Variants in RUNX2 observed in about 807,000 individuals in gnomAD.
RUNX2 encodes RUNX family transcription factor 2.
Under a neutral mutation model 51.7 loss-of-function variants are expected in RUNX2, and 10 were observed. That is an observed-to-expected ratio of 0.19 (90% confidence interval 0.12 to 0.33). RUNX2 has a LOEUF of 0.33. Ranked by LOEUF, RUNX2 falls within the 10% of genes least tolerant of loss-of-function variation. The pLI, the probability that RUNX2 is intolerant of heterozygous loss-of-function variation, is 1.00. For synonymous variants in RUNX2, 276 were observed against 273.6 expected, an observed-to-expected ratio of 1.01 and a Z score of -0.09; for missense variants, 562 against 691.3, an observed-to-expected ratio of 0.81 and a Z score of 2.10.
chr6:45,433,843 A>G (rs1293604947), intron 4 of RUNX2, among the ~76,000 whole-genome samples: 1 of 152,202 alleles, frequency 6.6e-6, no homozygotes, highest in Non-Finnish European at 1.5e-5. Flanking sequence ...AAGATGAAGA[A>G]AGCTTCTTTT....
chr6:45,509,677 A>G (rs1325943298), intron 6 of RUNX2, among the ~76,000 whole-genome samples: 1 of 152,180 alleles, frequency 6.6e-6, no homozygotes, highest in East Asian at 1.9e-4. Flanking sequence ...GCCAACTCAG[A>G]TCCTCTCACT....
rs76267587 is a variant in RUNX2, at chr6:45,450,635, C to T, written c.685+12584C>T. Among the ~76,000 whole-genome samples, 967 of 152,132 alleles carry T rather than the reference C, an allele frequency of 6.4e-3. 9 individuals carry two copies. The highest frequency in any genetic ancestry group is 0.022 in the African/African-American group (905 of 41,504). Reference sequence around the variant, plus strand: ...AGGATGGAACCTATTGAAGAGTGGTCCAAGGAAGGCCTGTCTGGGGAGATG... The same window carrying T: ...AGGATGGAACCTATTGAAGAGTGGTTCAAGGAAGGCCTGTCTGGGGAGATG... On this transcript the variant is annotated intron_variant, in intron 5 of 8. Coordinates refer to ENST00000647337, the MANE Select transcript of RUNX2 (RefSeq NM_001024630.4).
At chr6:45,345,966 C>A (rs992805063) in intron 2 of RUNX2, among the ~76,000 whole-genome samples, 1 of 151,598 alleles carries the variant, frequency 6.6e-6, no homozygotes, top group Non-Finnish European at 1.5e-5. Flanking sequence ...CCCGTACTTG[C>A]AATATTCCCT....
chr6:45,328,362 T>G lies in RUNX2; in HGVS notation c.-165T>G, dbSNP rs775587041. On this transcript the variant is annotated 5_prime_UTR_variant, in exon 1 of 9. Transcript: ENST00000647337. The stretch of plus-strand genomic sequence containing the variant: ...TCACAAACAACCACAGAACCACAAG[T>G]GCGGTGCAAACTTTCTCCAGGAGGA... The G allele has an allele frequency of 6.5e-6, 9 of 1,385,098 alleles. No homozygotes were observed. In the East Asian group the frequency reaches 3.0e-4, roughly 46 times the overall value. 85.8% of individuals were successfully genotyped at this position (1,385,098 alleles called of 1,614,324 possible).
At chr6:45,508,745 A>G (rs901490160) in intron 6 of RUNX2, among the ~76,000 whole-genome samples, 2 of 152,174 alleles carry the variant, frequency 1.3e-5, no homozygotes, top group Non-Finnish European at 2.9e-5. Flanking sequence ...CCTTTAACAG[A>G]CTTTTCTAGT....
At chr6:45,385,383 C>T (rs1167909427) in intron 2 of RUNX2, among the ~76,000 whole-genome samples, 1 of 152,126 alleles carries the variant, frequency 6.6e-6, no homozygotes, top group African/African-American at 2.4e-5. Flanking sequence ...CTGAACTTCC[C>T]CTTACGGTAA....
intron 2 of RUNX2, among the ~76,000 whole-genome samples, chr6:45,347,150 T>G (rs1003492737): frequency 6.6e-6 from 1 of 152,176 alleles, no homozygotes; most frequent in Non-Finnish European, 1.5e-5. Flanking sequence ...ATTATTTACA[T>G]GTATCATATT....
intron 5 of RUNX2, among the ~76,000 whole-genome samples, chr6:45,444,608 T>C (rs1485598622): frequency 6.6e-6 from 1 of 152,258 alleles, no homozygotes; most frequent in Non-Finnish European, 1.5e-5. Flanking sequence ...GCTTAGGTCC[T>C]GCAGCTAAAC....
chr6:45,383,599 C>T (rs1276792734), intron 2 of RUNX2, among the ~76,000 whole-genome samples: 1 of 151,946 alleles, frequency 6.6e-6, no homozygotes, highest in Non-Finnish European at 1.5e-5. Context: ...AAAAGCTAAA[C>T]ATCCCCTTGT....
chr6:45,406,768 G>A (rs1158989743), intron 2 of RUNX2, among the ~76,000 whole-genome samples: 4 of 152,060 alleles, frequency 2.6e-5, no homozygotes, highest in Non-Finnish European at 4.4e-5. Flanking sequence ...TTGTGGGAAA[G>A]GATGTATTTG....
At chr6:45,339,136 A>T (rs1418034376) in intron 2 of RUNX2, among the ~76,000 whole-genome samples, 1 of 152,176 alleles carries the variant, frequency 6.6e-6, no homozygotes, top group Non-Finnish European at 1.5e-5. Flanking sequence ...AAGGCTAAGT[A>T]ATCTTATTAC....
intron 5 of RUNX2, among the ~76,000 whole-genome samples, chr6:45,460,073 T>C (rs1799428078): frequency 6.6e-6 from 1 of 152,096 alleles, no homozygotes; most frequent in African/African-American, 2.4e-5. Flanking sequence ...ACAGATCAAG[T>C]AGGAGCTAGA....
intron 2 of RUNX2, among the ~76,000 whole-genome samples, chr6:45,404,250 A>C (rs1797781523): frequency 7.7e-6 from 1 of 129,816 alleles, no homozygotes; most frequent in Non-Finnish European, 1.6e-5. Context: ...ACAGAGCAAG[A>C]CTCTGTCTCA....
At chr6:45,388,616 A>G (rs1212490065) in intron 2 of RUNX2, among the ~76,000 whole-genome samples, 1 of 152,236 alleles carries the variant, frequency 6.6e-6, no homozygotes, top group African/African-American at 2.4e-5. Context: ...TCCTCCAACT[A>G]GCAAGCAATG....
intron 2 of RUNX2, among the ~76,000 whole-genome samples, chr6:45,384,459 A>G (rs1797307296): frequency 6.6e-6 from 1 of 151,416 alleles, no homozygotes; most frequent in African/African-American, 2.4e-5. Context: ...TAATTTTTGT[A>G]TTTTTTGTAG....
chr6:45,400,487 G>A (rs1017588776), intron 2 of RUNX2, among the ~76,000 whole-genome samples: 7 of 152,112 alleles, frequency 4.6e-5, no homozygotes, highest in African/African-American at 1.7e-4. Context: ...GTATTTGCCT[G>A]TTCCTTAAAT....
chr6:45,543,013 T>C (rs1366077272), intron 7 of RUNX2, among the ~76,000 whole-genome samples: 2 of 152,246 alleles, frequency 1.3e-5, no homozygotes, highest in Non-Finnish European at 1.5e-5. Context: ...TTTGAGTACC[T>C]TGGGGGATCT....
At chr6:45,393,020 T>A (rs981884111) in intron 2 of RUNX2, among the ~76,000 whole-genome samples, 2 of 152,184 alleles carry the variant, frequency 1.3e-5, no homozygotes, top group Non-Finnish European at 2.9e-5. Context: ...TCTGTTACAG[T>A]GTTTTTGACT....
chr6:45,529,161 G>T (rs1801767056), intron 7 of RUNX2, among the ~76,000 whole-genome samples: 1 of 152,086 alleles, frequency 6.6e-6, no homozygotes, highest in South Asian at 2.1e-4. Context: ...TATATTTCCT[G>T]TTTAAAATGT....
Sources: allele counts gnomAD v4.1 joint callset (sites outside exome capture counted in the v4.1 genomes callset), GRCh38; gene constraint gnomAD v4.1.1; transcripts MANE v1.5; gene names NCBI Gene and HGNC (gene_info 2026-07-23, HGNC 2026-07-21).